The following CIMIP2C variants were observed in gnomAD, a reference collection of about 807,000 sequenced individuals.
CIMIP2C encodes UPF0573 protein C2orf70.
the CIMIP2C span, among the ~76,000 whole-genome samples, chr2:26,571,642 A>T: frequency 2.0e-5 from 3 of 152,206 alleles, no homozygotes; most frequent in Admixed American, 2.0e-4. Context: ...TACAAAGAAG[A>T]AAGCCACAAA....
the CIMIP2C span, among the ~76,000 whole-genome samples, chr2:26,576,371 C>T: frequency 2.6e-5 from 4 of 152,266 alleles, 1 homozygote; most frequent in Admixed American, 2.6e-4. Context: ...GGACTTTGCC[C>T]CTCTGATCTC....
the CIMIP2C span, among the ~76,000 whole-genome samples, chr2:26,567,361 C>T: frequency 2.6e-5 from 4 of 152,188 alleles, no homozygotes; most frequent in South Asian, 2.1e-4. Context: ...TCTCTCCTGC[C>T]GCCATGAGAA....
At chr2:26,577,631 G>A in the CIMIP2C span, 20 of 1,610,716 alleles carry the variant, frequency 1.2e-5, no homozygotes, top group Non-Finnish European at 1.7e-5. Flanking sequence ...ACCGTCCTGT[G>A]AGTGCCTGCC....
the CIMIP2C span, chr2:26,572,237 A>G: frequency 1.7e-5 from 23 of 1,326,194 alleles, no homozygotes; most frequent in Non-Finnish European, 2.3e-5. Context: ...TATAACATTT[A>G]CATTCCATTC....
the CIMIP2C span, among the ~76,000 whole-genome samples, chr2:26,563,886 C>T: frequency 3.9e-5 from 6 of 152,178 alleles, no homozygotes; most frequent in African/African-American, 1.4e-4. Flanking sequence ...GATGCGACCT[C>T]TCTCTGGGCC....
chr2:26,570,302 C>T, the CIMIP2C span, among the ~76,000 whole-genome samples: 15 of 152,320 alleles, frequency 9.8e-5, no homozygotes, highest in Non-Finnish European at 1.9e-4. Flanking sequence ...CCCCTGTAGG[C>T]GGGATGCTTC....
the CIMIP2C span, among the ~76,000 whole-genome samples, chr2:26,571,442 C>T: frequency 3.9e-5 from 6 of 152,328 alleles, no homozygotes; most frequent in Middle Eastern, 6.8e-3. Context: ...CCCAGGCCAG[C>T]TCAGCATGGC....
the CIMIP2C span, among the ~76,000 whole-genome samples, chr2:26,571,631 G>C: frequency 6.6e-6 from 1 of 152,156 alleles, no homozygotes; most frequent in African/African-American, 2.4e-5. Flanking sequence ...AATGATGTGT[G>C]TACAAAGAAG....
At chr2:26,578,273 G>A in the CIMIP2C span, 1,328 of 162,196 alleles carry the variant, frequency 8.2e-3, 19 homozygotes, top group African/African-American at 0.03. Context: ...GTGTCCTGGA[G>A]TGGGGTAGGG....
At chr2:26,565,864 C>T in the CIMIP2C span, among the ~76,000 whole-genome samples, 2 of 152,246 alleles carry the variant, frequency 1.3e-5, no homozygotes, top group African/African-American at 4.8e-5. Context: ...TCAGCCTCGC[C>T]GGCCAGGGTG....
At chr2:26,576,239 G>T in the CIMIP2C span, 46 of 1,552,000 alleles carry the variant, frequency 3.0e-5, no homozygotes, top group African/African-American at 5.8e-4. Flanking sequence ...CACGGGAAGG[G>T]AGTGATGGCC....
the CIMIP2C span, chr2:26,572,138 TAA>T: frequency 6.5e-7 from 1 of 1,545,150 alleles, no homozygotes. Flanking sequence ...GACTCTGATT[TAA>T]AGAGATTCTT....
the CIMIP2C span, among the ~76,000 whole-genome samples, chr2:26,563,491 AT>A: frequency 6.6e-6 from 1 of 152,128 alleles, no homozygotes; most frequent in African/African-American, 2.4e-5. Context: ...GGCTGTCTTT[AT>A]CCCTCCTACC....
the CIMIP2C span, among the ~76,000 whole-genome samples, chr2:26,563,447 G>A: frequency 6.6e-6 from 1 of 152,182 alleles, no homozygotes; most frequent in Non-Finnish European, 1.5e-5. Flanking sequence ...AGTGTCTGAT[G>A]TTTCTACTCT....
the CIMIP2C span, among the ~76,000 whole-genome samples, chr2:26,571,672 CCTG>C: frequency 6.6e-6 from 1 of 152,084 alleles, no homozygotes; most frequent in Non-Finnish European, 1.5e-5. Context: ...ATCCAAACAC[CCTG>C]AATTATCCAG....
At chr2:26,575,401 C>T in the CIMIP2C span, among the ~76,000 whole-genome samples, 1 of 152,260 alleles carries the variant, frequency 6.6e-6, no homozygotes, top group African/African-American at 2.4e-5. Flanking sequence ...GAGGCCTTTG[C>T]ATCTTCAGGC....
At chr2:26,576,231 C>G in the CIMIP2C span, 1 of 1,563,062 alleles carries the variant, frequency 6.4e-7, no homozygotes, top group Non-Finnish European at 8.7e-7. Flanking sequence ...GCCCCCACCA[C>G]GGGAAGGGAG....
At chr2:26,574,704 T>A in the CIMIP2C span, among the ~76,000 whole-genome samples, 1 of 152,098 alleles carries the variant, frequency 6.6e-6, no homozygotes, top group Non-Finnish European at 1.5e-5. Context: ...AGAAGGCTCA[T>A]GAAGGTGTGG....
the CIMIP2C span, among the ~76,000 whole-genome samples, chr2:26,566,271 G>A: frequency 6.6e-6 from 1 of 152,194 alleles, no homozygotes; most frequent in Admixed American, 6.5e-5. Context: ...TCTGCCTGGG[G>A]TGGCAGTTGT....
Sources: gnomAD v4.1 joint callset for allele counts (sites outside exome capture counted in the v4.1 genomes callset) on GRCh38, gnomAD v4.1.1 for gene constraint, MANE v1.5 for transcripts, NCBI Gene and HGNC (gene_info 2026-07-23, HGNC 2026-07-21) for gene names.